EP300: variants seen among roughly 807,000 people sequenced by gnomAD.
EP300 encodes the protein EP300 lysine acetyltransferase.
A neutral mutation model predicts 264.0 loss-of-function variants in EP300; 31 were observed. The observed-to-expected ratio is 0.12, with a 90% CI of 0.09 to 0.16. The LOEUF is 0.16. Ranked by LOEUF, EP300 falls within the 10% of genes least tolerant of loss-of-function variation. The pLI is 1.00. For synonymous variants in EP300, 1,340 were observed against 1,045.4 expected, an observed-to-expected ratio of 1.28 and a Z score of -5.44; for missense variants, 2,766 against 3,052.9, an observed-to-expected ratio of 0.91 and a Z score of 2.21.
In EP300 at chr22:41,093,021, T is replaced by G. The variant is rs2145665458; in HGVS notation, c.17T>G (p.Val6Gly). ...GAATTAAAAATGGCCGAGAATGTGG[T>G]GGAACCGGGGCCGCCTTCAGCCAAG... MAENV[V>G]EPGPPSAKRP... The change falls in exon 1 of 31, where the codon GTG (valine) becomes GGG (glycine). Residue 6 changes from valine to glycine, a missense_variant. Val to Gly is a moderately radical substitution (Grantham distance 109, BLOSUM62 -3). Coordinates refer to ENST00000263253, the MANE Select transcript of EP300 (RefSeq NM_001429.4). 1 of 1,614,090 alleles carries G rather than the reference T, an allele frequency of 6.2e-7. No homozygotes were observed. Among genetic ancestry groups the G allele is most frequent in the East Asian group, 2.2e-5 (1 of 44,858 alleles).
chr22:41,161,556 G>T (rs1349908239), intron 20 of EP300, among the ~76,000 whole-genome samples: 3 of 152,186 alleles, frequency 2.0e-5, no homozygotes, highest in Non-Finnish European at 4.4e-5. Context: ...GGTGGAGCTT[G>T]CAGTGAGCTG....
rs2145770457 is a variant in EP300, at chr22:41,172,633, A to G, written c.4587A>G (p.Arg1529=). Residue 1529 remains arginine, a synonymous_variant, in exon 28 of 31, where the codon CGA becomes CGG. Coordinates refer to ENST00000263253, the MANE Select transcript of EP300 (RefSeq NM_001429.4). ...ELEQEEEERK[R]EENTSNESTD... is the part of the protein sequence containing the mutation. ...AACAGGAGGAAGAAGAGAGAAAACG[A>G]GAGGAAAACACCAGCAATGAAAGCA... 6.2e-7 allele frequency: 1 copy of G among 1,613,790 alleles called. No individual in the cohort carries two copies. The highest frequency in any genetic ancestry group is 8.5e-7 in the Non-Finnish European group (1 of 1,179,766).
chr22:41,099,852 CA>C (rs147004508), intron 1 of EP300, among the ~76,000 whole-genome samples: 20 of 152,286 alleles, frequency 1.3e-4, no homozygotes, highest in African/African-American at 3.8e-4. Flanking sequence ...GTAGTTTATA[CA>C]GGTGAATACA....
chr22:41,133,918 C>G (rs1408578589), intron 6 of EP300, among the ~76,000 whole-genome samples: 1 of 152,184 alleles, frequency 6.6e-6, no homozygotes, highest in African/African-American at 2.4e-5. Context: ...GAAATGCAAA[C>G]ATTTTTAGAC....
Position 41,176,234 on chromosome 22 carries a change from G to C in EP300, c.4780-13G>C, listed in dbSNP as rs374338361. 2 of 1,613,760 alleles carry C rather than the reference G, an allele frequency of 1.2e-6. No homozygotes were observed. Among genetic ancestry groups the C allele is most frequent in the Non-Finnish European group, 1.7e-6 (2 of 1,179,752 alleles). ...GGCCCTGTCTCAAAAAAAAGAGACT[G>C]TCTGTTTTTCAGGTCTTCTTTGTGA... On this transcript the variant is annotated splice_polypyrimidine_tract_variant and intron_variant, in intron 29 of 30. Transcript: ENST00000263253.
At chr22:41,135,981 G>A (rs1433438755) in intron 7 of EP300, 75 bp downstream of exon 7, 10 of 1,169,976 alleles carry the variant, frequency 8.5e-6, no homozygotes, top group Non-Finnish European at 1.3e-5. Flanking sequence ...TTTGACTTTT[G>A]AACTTAGTTT....
chr22:41,164,200 A>G (rs2059122954), intron 22 of EP300, 70 bp downstream of exon 22: 8 of 1,342,776 alleles, frequency 6.0e-6, no homozygotes, highest in African/African-American at 2.9e-5. Flanking sequence ...TTTTTATTCT[A>G]TGCAATTGAC....
intron 5 of EP300, among the ~76,000 whole-genome samples, chr22:41,130,254 T>TAAA (rs11388493): frequency 7.4e-6 from 1 of 134,868 alleles, no homozygotes; most frequent in Non-Finnish European, 1.6e-5. Context: ...CTGCCTCAAT[T>TAAA]AAAAAAAAAA....
intron 1 of EP300, among the ~76,000 whole-genome samples, chr22:41,099,599 A>G (rs548275559): frequency 1.3e-5 from 2 of 152,296 alleles, no homozygotes; most frequent in East Asian, 1.9e-4. Context: ...AATTTCATGT[A>G]TAGATTTGAT....
intron 1 of EP300, among the ~76,000 whole-genome samples, chr22:41,093,486 A>G (rs1340882174): frequency 3.9e-5 from 6 of 152,004 alleles, no homozygotes; most frequent in African/African-American, 4.8e-5. Context: ...CTTTCTCTTT[A>G]CTGTACTTAC....
intron 10 of EP300, among the ~76,000 whole-genome samples, chr22:41,145,248 A>G (rs534224521): frequency 2.0e-5 from 3 of 152,294 alleles, no homozygotes; most frequent in South Asian, 2.1e-4. Context: ...TCATTTTTCT[A>G]TTGATTTTTA....
At position 41,177,038 on chromosome 22, in the gene EP300, A is replaced by G. The variant is rs1471595114; in HGVS notation, c.5327A>G (p.Asn1776Ser). ...ACCAAGGGTTGCAAACGGAAAACCA[A>G]TGGCGGGTGCCCCATCTGCAAGCAG... ...QHTKGCKRKT[N>S]GGCPICKQLI... Residue 1776 changes from asparagine (N) to serine (S), a missense_variant, in exon 31 of 31, where the codon AAT becomes AGT. Transcript: ENST00000263253. The G allele has an allele frequency of 3.1e-6, 5 of 1,614,142 alleles. No homozygotes were observed. The highest frequency in any genetic ancestry group is 3.4e-6 in the Non-Finnish European group (4 of 1,180,016).
In EP300 at chr22:41,179,775, TAAAA is replaced by T. The variant is rs1005411098; in HGVS notation, c.*821_*824del. On this transcript the variant is annotated 3_prime_UTR_variant, in exon 31 of 31. Transcript: ENST00000263253. ...TTTACATCTAACAAAGTAAAAAAAT[TAAAA>T]AGAGGGTAAGAAACGATTCCGGTGG... is the stretch of plus-strand genomic sequence containing the variant. 4.3e-6 allele frequency: 1 copy of T among 231,142 alleles called. No homozygotes were observed. The highest frequency in any genetic ancestry group is 8.6e-6 in the Non-Finnish European group (1 of 116,808). 14.3% of individuals were successfully genotyped at this position (231,142 alleles called of 1,614,324 possible).
Position 41,179,892 on chromosome 22 carries a change from A to T in EP300, c.*936A>T, listed in dbSNP as rs1387002753. The T allele has an allele frequency of 3.6e-5, 3 of 83,850 alleles. No individual in the cohort carries two copies. The highest frequency in any genetic ancestry group is 8.6e-5 in the African/African-American group (2 of 23,276). The allele number at this position is 83,850 out of a possible 1,614,324, so 5.2% of individuals were successfully genotyped here. On this transcript the variant is annotated 3_prime_UTR_variant, in exon 31 of 31. Coordinates refer to ENST00000263253, the MANE Select transcript of EP300 (RefSeq NM_001429.4). Reference sequence around the variant, plus strand: ...CCCTACCCCCCACTCACACACACACACACACACACACACACACACACACAC... The same window carrying T: ...CCCTACCCCCCACTCACACACACACTCACACACACACACACACACACACAC...
intron 1 of EP300, among the ~76,000 whole-genome samples, chr22:41,101,506 G>T (rs1030506469): frequency 6.6e-6 from 1 of 151,244 alleles, no homozygotes; most frequent in Non-Finnish European, 1.5e-5. Context: ...CCGCCTCCTG[G>T]GTTCATGCCA....
intron 20 of EP300, 79 bp downstream of exon 20, chr22:41,160,801 T>G (rs2059103974): frequency 3.8e-6 from 5 of 1,320,050 alleles, no homozygotes; most frequent in African/African-American, 2.9e-5. Context: ...CTAAATGAAC[T>G]TAAGCTATGC....
intron 13 of EP300, among the ~76,000 whole-genome samples, 157 bp from the exon 14 acceptor site, chr22:41,149,604 C>T (rs1050637635): frequency 2.0e-5 from 3 of 152,120 alleles, no homozygotes; most frequent in Non-Finnish European, 1.5e-5. Flanking sequence ...TCCAAAGATA[C>T]ATGCCCAGTA....
chr22:41,153,453 A>G (rs1053562743), intron 16 of EP300, among the ~76,000 whole-genome samples: 5 of 152,302 alleles, frequency 3.3e-5, no homozygotes, highest in Middle Eastern at 3.4e-3. Context: ...CAGTCTTACT[A>G]TTGGCAATCT....
intron 27 of EP300, among the ~76,000 whole-genome samples, chr22:41,171,359 A>C (rs2059169791): frequency 6.6e-6 from 1 of 151,940 alleles, no homozygotes; most frequent in Non-Finnish European, 1.5e-5. Context: ...TGTTTTCAGA[A>C]AGGGTCACTC....
Sources: allele counts gnomAD v4.1 joint callset (sites outside exome capture counted in the v4.1 genomes callset), GRCh38; gene constraint gnomAD v4.1.1; transcripts MANE v1.5; gene names NCBI Gene and HGNC (gene_info 2026-07-23, HGNC 2026-07-21).